GTF2A1L: variants seen among roughly 807,000 people sequenced by gnomAD.
GTF2A1L encodes general transcription factor IIA subunit 1 like, also known as TFIIA-alpha and beta-like factor.
A neutral mutation model predicts 49.7 loss-of-function variants in GTF2A1L; 48 were observed. That is an observed-to-expected ratio of 0.97 (90% CI 0.77 to 1.23). The LOEUF (loss-of-function observed/expected upper bound fraction) is 1.23, where lower values mean the gene tolerates loss of function less well. GTF2A1L is among the 50% of genes most tolerant of loss of function. The probability of loss-of-function intolerance (pLI) is 0.00; values close to 1 mark genes in which losing one functional copy is unlikely to be tolerated. For missense variants in GTF2A1L, 736 were observed against 564.8 expected, an observed-to-expected ratio of 1.30 and a Z score of -3.07; for synonymous variants, 246 against 193.5, an observed-to-expected ratio of 1.27 and a Z score of -2.25.
In GTF2A1L at chr2:48,646,475, A is replaced by G. The variant is rs1282381791; in HGVS notation, c.411A>G (p.Val137=). 6.2e-7 allele frequency: 1 copy of G among 1,609,948 alleles called. No homozygotes were observed. Among genetic ancestry groups the G allele is most frequent in the Admixed American group, 1.7e-5 (1 of 59,044 alleles). ...AAGGTCACCTTTATAAAGTCAATGT[A>G]CCAATTATGGTGACAGAGACTTCTG... ...TVSGHLYKVN[V]PIMVTETSGR... is the part of the protein sequence containing the mutation. The change falls in exon 6 of 9, where the codon GTA becomes GTG. Residue 137 remains valine (V), a synonymous_variant. Coordinates refer to ENST00000403751, the MANE Select transcript of GTF2A1L (RefSeq NM_006872.5).
Position 48,673,287 on chromosome 2 carries a change from T to G in GTF2A1L, c.1329+1607T>G, listed in dbSNP as rs182997696. Among the ~76,000 whole-genome samples the G allele has an allele frequency of 6.6e-5, 10 of 151,806 alleles. No individual in the cohort carries two copies. In the East Asian group the frequency reaches 1.9e-3, roughly 29 times the overall value. On this transcript the variant is annotated intron_variant, in intron 8 of 8. Transcript: ENST00000403751. ...TTGCTATTTCCCTGGTTGAGGCACC[T>G]ATAAAAAAGACAGATTAACAAGAGA...
intron 4 of GTF2A1L, among the ~76,000 whole-genome samples, chr2:48,642,871 A>AAAG (rs1677279855): frequency 6.8e-6 from 1 of 147,770 alleles, no homozygotes; most frequent in African/African-American, 2.6e-5. Flanking sequence ...AAAAAAAAAA[A>AAAG]AAGATGTGGT....
chr2:48,672,864 T>A (rs1008950140), intron 8 of GTF2A1L, among the ~76,000 whole-genome samples: 3 of 152,214 alleles, frequency 2.0e-5, no homozygotes, highest in African/African-American at 7.2e-5. Flanking sequence ...ATAACAATTA[T>A]CACAGTCAAT....
chr2:48,646,306 A>C, intron 5 of GTF2A1L, 147 bp from the exon 6 acceptor site: 1 of 591,474 alleles, frequency 1.7e-6, no homozygotes, highest in Non-Finnish European at 2.6e-6. Context: ...GAAGAATAAA[A>C]GAAAAACCCC....
Position 48,619,360 on chromosome 2 carries a change from C to T in GTF2A1L, c.21+1465C>T, listed in dbSNP as rs141644484. Among the ~76,000 whole-genome samples the T allele has an allele frequency of 2.5e-3, 377 of 151,788 alleles. 2 individuals carry two copies. Among genetic ancestry groups the T allele is most frequent in the African/African-American group, 8.7e-3 (358 of 41,342 alleles). ...TCGTGCACGCCTGTAGTGCCAGCTACTCTGGATGCTGAGACAGGAGAATCA... is the reference window on the plus strand; with the variant it reads ...TCGTGCACGCCTGTAGTGCCAGCTATTCTGGATGCTGAGACAGGAGAATCA... On this transcript the variant is annotated intron_variant, in intron 1 of 8. Coordinates refer to ENST00000403751, the MANE Select transcript of GTF2A1L (RefSeq NM_006872.5).
chr2:48,677,927 G>A (rs1679561712), intron 8 of GTF2A1L, among the ~76,000 whole-genome samples: 1 of 151,722 alleles, frequency 6.6e-6, no homozygotes, highest in African/African-American at 2.4e-5. Flanking sequence ...GGGGAAGATT[G>A]TGAGGTTTGG....
In GTF2A1L at chr2:48,675,334, A is replaced by G. The variant is rs528707815; in HGVS notation, c.1329+3654A>G. On this transcript the variant is annotated intron_variant, in intron 8 of 8. Coordinates refer to ENST00000403751, the MANE Select transcript of GTF2A1L (RefSeq NM_006872.5). ...GAATGTACATTTTAACAAGACTCCA[A>G]AATGATTTGTATGGCCGTTAAATTT... is the stretch of plus-strand genomic sequence containing the variant. Among the ~76,000 whole-genome samples, 3 of 152,272 alleles carry G rather than the reference A, an allele frequency of 2.0e-5. No individual in the cohort carries two copies. In the East Asian group the frequency reaches 5.8e-4, roughly 29 times the overall value.
chr2:48,642,190 G>C (rs747360525), intron 3 of GTF2A1L, among the ~76,000 whole-genome samples: 7 of 152,072 alleles, frequency 4.6e-5, no homozygotes, highest in Non-Finnish European at 1.0e-4. Context: ...TTTTCTTTCA[G>C]CACTTAAAGG....
intron 7 of GTF2A1L, among the ~76,000 whole-genome samples, chr2:48,670,826 T>G (rs1679127581): frequency 6.6e-6 from 1 of 152,040 alleles, no homozygotes; most frequent in South Asian, 2.1e-4. Context: ...CGGGATTTAT[T>G]TATTTATTTA....
In GTF2A1L at chr2:48,621,410, A is replaced by G. The variant is rs954775389; in HGVS notation, c.247+120A>G. The G allele has an allele frequency of 4.4e-6, 6 of 1,367,574 alleles. No individual in the cohort carries two copies. The African/African-American group carries it at 5.8e-5, about 13-fold the overall frequency. The allele number at this position is 1,367,574 out of a possible 1,614,324, so 84.7% of individuals were successfully genotyped here. On this transcript the variant is annotated intron_variant, in intron 3 of 8. Transcript: ENST00000403751. ...GTGAGAAGGCTTGGACACCTAAATC[A>G]TTTCTATTAAATGAACACAGTATAA...
chr2:48,646,797 C>T lies in GTF2A1L; in HGVS notation c.733C>T (p.Pro245Ser), dbSNP rs1677537791. ...GGAAAGTTCTCACTATATCAGTCTT[C>T]CAGGTGTTGTATTTTCTCCACAGGT... The part of the protein sequence containing the change: ...HQESSHYISL[P>S]GVVFSPQVSQ... Residue 245 changes from proline to serine, a missense_variant, in exon 6 of 9, where the codon CCA becomes TCA. Physicochemically the swap from Pro to Ser is moderately conservative, Grantham distance 74 (BLOSUM62 -1). Coordinates refer to ENST00000403751, the MANE Select transcript of GTF2A1L (RefSeq NM_006872.5). 1 of 1,614,166 alleles carries T rather than the reference C, an allele frequency of 6.2e-7. No individual in the cohort carries two copies. Among genetic ancestry groups the T allele is most frequent in the East Asian group, 2.2e-5 (1 of 44,884 alleles).
chr2:48,672,004 G>T (rs1380048570), intron 8 of GTF2A1L, among the ~76,000 whole-genome samples: 2 of 152,210 alleles, frequency 1.3e-5, no homozygotes, highest in African/African-American at 2.4e-5. Flanking sequence ...GCTAAAATAT[G>T]TGGAATGTAA....
In GTF2A1L at chr2:48,669,714, C is replaced by G. The variant is rs993416371; in HGVS notation, c.979-8C>G. 1.2e-6 allele frequency: 2 copies of G among 1,600,212 alleles called. No individual in the cohort carries two copies. The highest frequency in any genetic ancestry group is 1.7e-6 in the Non-Finnish European group (2 of 1,171,720). ...CTTGAACTTTATTGTATTTCTTTCT[C>G]TTTTTAGGATTCTAATTCTCAGGTG... On this transcript the variant is annotated splice_region_variant and splice_polypyrimidine_tract_variant and intron_variant, in intron 6 of 8. Coordinates refer to ENST00000403751, the MANE Select transcript of GTF2A1L (RefSeq NM_006872.5).
intron 6 of GTF2A1L, among the ~76,000 whole-genome samples, chr2:48,651,264 A>G (rs552826894): frequency 6.6e-6 from 1 of 152,302 alleles, no homozygotes; most frequent in South Asian, 2.1e-4. Context: ...CATCTGCATT[A>G]GAATTGTTGA....
Position 48,671,686 on chromosome 2 carries a change from G to T in GTF2A1L, c.1329+6G>T, listed in dbSNP as rs752515922. 1 of 1,607,016 alleles carries T rather than the reference G, an allele frequency of 6.2e-7. No homozygotes were observed. Among genetic ancestry groups the T allele is most frequent in the Admixed American group, 1.7e-5 (1 of 59,172 alleles). ...TTGTCTGTCAGTATGATAAGGTACT[G>T]TATTTACCTTTTGGACTTTGGGTTT... On this transcript the variant is annotated splice_donor_region_variant and intron_variant, in intron 8 of 8. Transcript: ENST00000403751.
chr2:48,649,715 T>C (rs951979107), intron 6 of GTF2A1L, among the ~76,000 whole-genome samples: 5 of 152,186 alleles, frequency 3.3e-5, no homozygotes, highest in Non-Finnish European at 7.4e-5. Flanking sequence ...TGCAGCCTGG[T>C]TGTGTCTTTT....
rs145169038 is a variant in GTF2A1L at position 48,621,146 on chromosome 2, CT to C, written c.124-12del. 7,996 of 1,569,994 alleles carry C rather than the reference CT, an allele frequency of 5.1e-3. 293 individuals carry two copies. In the African/African-American group the frequency reaches 0.091, roughly 18 times the overall value. Reference sequence around the variant, plus strand: ...TGTGTATATATTTTTTTAAAGTAAACTTTTTTTTTCCCCTCTGCAGCTCTGG... The same window carrying C: ...TGTGTATATATTTTTTTAAAGTAAACTTTTTTTTCCCCTCTGCAGCTCTGG... On this transcript the variant is annotated intron_variant, in intron 2 of 8. Transcript: ENST00000403751.
intron 7 of GTF2A1L, 89 bp from the exon 8 acceptor site, chr2:48,671,502 A>C (rs1425281768): frequency 2.9e-6 from 4 of 1,391,046 alleles, no homozygotes; most frequent in South Asian, 3.0e-5. Flanking sequence ...CCACGCCGAG[A>C]CAAGTTCCTT....
chr2:48,670,550 CAT>C (rs1679113948), intron 7 of GTF2A1L, among the ~76,000 whole-genome samples: 2 of 152,074 alleles, frequency 1.3e-5, no homozygotes, highest in African/African-American at 4.8e-5. Flanking sequence ...TAGGTAGAAA[CAT>C]ATAGTATCTG....
Sources: allele counts gnomAD v4.1 joint callset (sites outside exome capture counted in the v4.1 genomes callset), GRCh38; gene constraint gnomAD v4.1.1; transcripts MANE v1.5; gene names NCBI Gene and HGNC (gene_info 2026-07-23, HGNC 2026-07-21).